SUPT3H: variants seen among roughly 807,000 people sequenced by gnomAD.
SUPT3H encodes SPT3 homolog, SAGA and STAGA complex component, also known as transcription initiation protein SPT3 homolog.
A neutral mutation model predicts 44.3 loss-of-function variants in SUPT3H; 44 were observed. That is an observed-to-expected ratio of 0.99 (90% CI 0.78 to 1.28). The LOEUF (loss-of-function observed/expected upper bound fraction) is 1.28, where lower values mean the gene tolerates loss of function less well. Ranked by LOEUF, SUPT3H falls within the 50% of genes most tolerant of loss-of-function variation. The pLI, the probability that SUPT3H is intolerant of heterozygous loss-of-function variation, is 0.00. For missense variants in SUPT3H, 380 were observed against 387.1 expected, an observed-to-expected ratio of 0.98 and a Z score of 0.15; for synonymous variants, 124 against 125.6, an observed-to-expected ratio of 0.99 and a Z score of 0.09.
At chr6:44,908,442 T>C (rs1766472795) in intron 10 of SUPT3H, among the ~76,000 whole-genome samples, 1 of 152,112 alleles carries the variant, frequency 6.6e-6, no homozygotes, top group Admixed American at 6.6e-5. Flanking sequence ...TAAGCCACCG[T>C]GTCTGGCCAG....
At chr6:45,274,744 T>G (rs2153663475) in intron 2 of SUPT3H, among the ~76,000 whole-genome samples, 1 of 152,052 alleles carries the variant, frequency 6.6e-6, no homozygotes, top group South Asian at 2.1e-4. Flanking sequence ...ATTTGCCAGG[T>G]GTGGTGTTGT....
chr6:45,016,332 T>A (rs9395058), intron 4 of SUPT3H, among the ~76,000 whole-genome samples: 90,388 of 151,538 alleles, frequency 0.6, 27,820 homozygotes, highest in African/African-American at 0.76. Context: ...TTAAATTTTT[T>A]TTTATTTATT....
At chr6:45,046,948 T>C (rs1405747355) in intron 3 of SUPT3H, among the ~76,000 whole-genome samples, 1 of 152,200 alleles carries the variant, frequency 6.6e-6, no homozygotes, top group African/African-American at 2.4e-5. Context: ...ATATACAATT[T>C]GTTAAATTTA....
chr6:45,370,021 C>T (rs935813233), intron 1 of SUPT3H, among the ~76,000 whole-genome samples: 2 of 152,102 alleles, frequency 1.3e-5, no homozygotes, highest in African/African-American at 4.8e-5. Context: ...TTACATTTCA[C>T]TTGAGTGTAA....
chr6:44,938,729 A>G (rs1237578728), intron 9 of SUPT3H, among the ~76,000 whole-genome samples: 1 of 152,130 alleles, frequency 6.6e-6, no homozygotes, highest in Non-Finnish European at 1.5e-5. Flanking sequence ...TCCATTTGTC[A>G]GTATCCTCTA....
chr6:44,973,322 A>G (rs909606789), intron 6 of SUPT3H, among the ~76,000 whole-genome samples: 2 of 152,218 alleles, frequency 1.3e-5, no homozygotes, highest in African/African-American at 4.8e-5. Context: ...CTCTTTGCTA[A>G]AACACAGCAA....
intron 2 of SUPT3H, among the ~76,000 whole-genome samples, chr6:45,299,176 T>A (rs1039205775): frequency 6.1e-5 from 9 of 147,724 alleles, no homozygotes; most frequent in African/African-American, 2.2e-4. Context: ...TGACACCCCA[T>A]CTCTACTGAA....
chr6:45,258,882 G>A (rs777433798), intron 2 of SUPT3H, among the ~76,000 whole-genome samples: 4 of 152,094 alleles, frequency 2.6e-5, no homozygotes, highest in Non-Finnish European at 5.9e-5. Flanking sequence ...CCAATAAAAT[G>A]TCACTTATAT....
intron 2 of SUPT3H, among the ~76,000 whole-genome samples, chr6:45,268,850 T>C (rs1775676243): frequency 6.6e-6 from 1 of 152,198 alleles, no homozygotes; most frequent in African/African-American, 2.4e-5. Context: ...TAGTCAAAAT[T>C]ATTAAAGATT....
intron 2 of SUPT3H, among the ~76,000 whole-genome samples, chr6:45,282,587 A>T (rs1358671967): frequency 6.6e-6 from 1 of 152,246 alleles, no homozygotes; most frequent in Non-Finnish European, 1.5e-5. Flanking sequence ...GGACTATGTG[A>T]AAAGACCAAA....
intron 3 of SUPT3H, among the ~76,000 whole-genome samples, chr6:45,079,258 T>G (rs1019686657): frequency 1.3e-5 from 2 of 151,784 alleles, no homozygotes; most frequent in Admixed American, 1.3e-4. Context: ...TGCAGTGAGC[T>G]GAGATCACAC....
At chr6:44,811,867 T>C (rs975496625) in intron 11 of SUPT3H, among the ~76,000 whole-genome samples, 4 of 152,114 alleles carry the variant, frequency 2.6e-5, no homozygotes, top group African/African-American at 9.7e-5. Flanking sequence ...GTCTTTTTTT[T>C]TTTTTTCTCT....
At chr6:45,024,498 T>C (rs1285463700) in intron 3 of SUPT3H, among the ~76,000 whole-genome samples, 2 of 152,210 alleles carry the variant, frequency 1.3e-5, no homozygotes, top group Non-Finnish European at 2.9e-5. Context: ...TTCCCTGTTA[T>C]CTAAATTCAA....
At chr6:45,111,539 C>CCCACA (rs1800066126) in intron 2 of SUPT3H, among the ~76,000 whole-genome samples, 3 of 142,428 alleles carry the variant, frequency 2.1e-5, no homozygotes, top group Non-Finnish European at 4.6e-5. Context: ...CTCCCCCCCG[C>CCCACA]AAAAAAAACA....
At chr6:45,043,747 T>C (rs1457685617) in intron 3 of SUPT3H, among the ~76,000 whole-genome samples, 1 of 152,180 alleles carries the variant, frequency 6.6e-6, no homozygotes, top group Non-Finnish European at 1.5e-5. Context: ...GATCTGATTA[T>C]AGCTATGCAC....
At chr6:45,354,117 A>AT (rs1792639608) in intron 2 of SUPT3H, among the ~76,000 whole-genome samples, 1 of 152,160 alleles carries the variant, frequency 6.6e-6, no homozygotes, top group South Asian at 2.1e-4. Context: ...TGTAGGAAAA[A>AT]TTAGGAAGTT....
At chr6:45,328,298 G>A in intron 2 of SUPT3H, 1 of 1,367,138 alleles carries the variant, frequency 7.3e-7, no homozygotes. Context: ...GAGTTTTAAA[G>A]CTTTTGCTTT....
intron 2 of SUPT3H, among the ~76,000 whole-genome samples, chr6:45,196,797 TAA>T (rs2153622442): frequency 6.6e-6 from 1 of 151,974 alleles, no homozygotes; most frequent in South Asian, 2.1e-4. Context: ...TTTGGTTCCA[TAA>T]AAAGTGTGAC....
intron 2 of SUPT3H, among the ~76,000 whole-genome samples, chr6:45,143,965 G>T (rs1805636091): frequency 1.3e-5 from 2 of 152,084 alleles, no homozygotes; most frequent in South Asian, 4.2e-4. Flanking sequence ...AAAATTTCTA[G>T]AAATTTACAA....
Sources: allele counts gnomAD v4.1 joint callset (sites outside exome capture counted in the v4.1 genomes callset), GRCh38; gene constraint gnomAD v4.1.1; transcripts MANE v1.5; gene names NCBI Gene and HGNC (gene_info 2026-07-23, HGNC 2026-07-21).